Variants in FTCDNL1 observed in about 807,000 individuals in gnomAD.
FTCDNL1 encodes formiminotransferase cyclodeaminase N-terminal like, also known as formiminotransferase N-terminal subdomain-containing protein.
FTCDNL1 carries 11 observed loss-of-function variants against 5.9 expected under a neutral mutation model. The observed-to-expected ratio is 1.87, with a 90% CI of 1.18 to 3.10. FTCDNL1 has a LOEUF of 3.10. Ranked by LOEUF, FTCDNL1 falls within the 30% of genes most tolerant of loss-of-function variation. The pLI is 0.00. For synonymous variants in FTCDNL1, 58 were observed against 24.8 expected (o/e 2.34, Z -3.99); for missense variants, 115 against 65.5 (o/e 1.76, Z -2.61).
chr2:199,689,627 T>C, the FTCDNL1 span, among the ~76,000 whole-genome samples: 1 of 152,112 alleles, frequency 6.6e-6, no homozygotes, highest in Non-Finnish European at 1.5e-5. Flanking sequence ...TTTGGCAATA[T>C]GTTATCAAAT....
chr2:199,676,226 C>T, the FTCDNL1 span, among the ~76,000 whole-genome samples: 5 of 152,142 alleles, frequency 3.3e-5, no homozygotes, highest in Admixed American at 6.5e-5. Context: ...GAGAGACAAC[C>T]GGAAGTCTCC....
intron 3 of FTCDNL1, among the ~76,000 whole-genome samples, chr2:199,762,135 C>A (rs1393734732): frequency 6.6e-6 from 1 of 152,172 alleles, no homozygotes; most frequent in South Asian, 2.1e-4. Context: ...AATCCCAGCA[C>A]TTTGGGAGGC....
At chr2:199,741,720 T>C in the FTCDNL1 span, among the ~76,000 whole-genome samples, 4 of 152,202 alleles carry the variant, frequency 2.6e-5, no homozygotes, top group Non-Finnish European at 5.9e-5. Context: ...AAGCGCACTA[T>C]AAGAAGTATT....
At chr2:199,793,577 T>C (rs928972430) in intron 3 of FTCDNL1, among the ~76,000 whole-genome samples, 5 of 152,218 alleles carry the variant, frequency 3.3e-5, no homozygotes, top group African/African-American at 9.7e-5. Flanking sequence ...CTAACCATGA[T>C]TTGATCAAGA....
At chr2:199,701,425 A>G in the FTCDNL1 span, among the ~76,000 whole-genome samples, 1 of 151,228 alleles carries the variant, frequency 6.6e-6, no homozygotes, top group Non-Finnish European at 1.5e-5. Context: ...AAATTAGTTC[A>G]GCCACTAACT....
the FTCDNL1 span, among the ~76,000 whole-genome samples, chr2:199,679,060 A>G: frequency 4.6e-5 from 7 of 152,106 alleles, no homozygotes; most frequent in Non-Finnish European, 8.8e-5. Context: ...TTGAATGAGG[A>G]CCCATCTTAC....
intron 3 of FTCDNL1, among the ~76,000 whole-genome samples, chr2:199,838,374 G>A (rs1702903404): frequency 6.6e-6 from 1 of 152,072 alleles, no homozygotes; most frequent in South Asian, 2.1e-4. Flanking sequence ...GGACTTCCAG[G>A]AAAACATGAA....
the FTCDNL1 span, among the ~76,000 whole-genome samples, chr2:199,719,680 G>C: frequency 6.6e-6 from 1 of 151,988 alleles, no homozygotes; most frequent in Non-Finnish European, 1.5e-5. Context: ...TGTTACCCAG[G>C]CTGGAGTGCT....
chr2:199,788,903 T>C (rs1001203779), intron 3 of FTCDNL1, among the ~76,000 whole-genome samples: 4 of 151,928 alleles, frequency 2.6e-5, no homozygotes, highest in East Asian at 1.9e-4. Context: ...TGTAACTCTA[T>C]GGAAAACAAA....
chr2:199,702,617 C>T, the FTCDNL1 span, among the ~76,000 whole-genome samples: 1 of 152,126 alleles, frequency 6.6e-6, no homozygotes, highest in Non-Finnish European at 1.5e-5. Context: ...ATCAAGCTGC[C>T]TCTATGCATC....
At chr2:199,696,122 C>T in the FTCDNL1 span, among the ~76,000 whole-genome samples, 29 of 152,320 alleles carry the variant, frequency 1.9e-4, no homozygotes, top group African/African-American at 5.3e-4. Flanking sequence ...GGCACTCTCC[C>T]GCAGCTTCCC....
the FTCDNL1 span, among the ~76,000 whole-genome samples, chr2:199,694,913 T>C: frequency 1.3e-5 from 2 of 152,222 alleles, no homozygotes; most frequent in Non-Finnish European, 2.9e-5. Context: ...TACAGCCAGC[T>C]GCAACTTGGC....
the FTCDNL1 span, among the ~76,000 whole-genome samples, chr2:199,678,576 A>G: frequency 2.1e-4 from 32 of 152,206 alleles, 1 homozygote; most frequent in East Asian, 5.2e-3. Context: ...ATTAATTTAA[A>G]TATAGCTTTT....
chr2:199,762,909 A>G (rs1698339300), intron 3 of FTCDNL1, among the ~76,000 whole-genome samples: 1 of 152,244 alleles, frequency 6.6e-6, no homozygotes, highest in African/African-American at 2.4e-5. Context: ...TGCAAGGTTC[A>G]GTGTTAACAT....
intron 3 of FTCDNL1, among the ~76,000 whole-genome samples, chr2:199,795,468 T>A (rs1324747379): frequency 6.6e-6 from 1 of 152,224 alleles, no homozygotes; most frequent in Non-Finnish European, 1.5e-5. Flanking sequence ...TTTATATTTC[T>A]ACATGGTACT....
At chr2:199,686,540 TG>T in the FTCDNL1 span, among the ~76,000 whole-genome samples, 1 of 152,232 alleles carries the variant, frequency 6.6e-6, no homozygotes, top group African/African-American at 2.4e-5. Flanking sequence ...ATCAAATTCA[TG>T]CCAGTTGATT....
chr2:199,696,659 G>A, the FTCDNL1 span, among the ~76,000 whole-genome samples: 2 of 151,948 alleles, frequency 1.3e-5, no homozygotes, highest in Non-Finnish European at 2.9e-5. Flanking sequence ...CCATCCAAAG[G>A]ACAGCAACTT....
chr2:199,759,036 AACT>A (rs976757298), downstream of FTCDNL1, among the ~76,000 whole-genome samples: 12 of 152,196 alleles, frequency 7.9e-5, no homozygotes, highest in African/African-American at 2.9e-4. Context: ...TTAAAAAAGA[AACT>A]ACAAAACAAA....
At chr2:199,815,150 G>C (rs1245247163) in intron 4 of FTCDNL1, among the ~76,000 whole-genome samples, 1 of 152,096 alleles carries the variant, frequency 6.6e-6, no homozygotes, top group African/African-American at 2.4e-5. Context: ...TTTATTTATA[G>C]ATCTAAAAGT....
Sources: allele counts gnomAD v4.1 joint callset (sites outside exome capture counted in the v4.1 genomes callset), GRCh38; gene constraint gnomAD v4.1.1; transcripts MANE v1.5; gene names NCBI Gene and HGNC (gene_info 2026-07-23, HGNC 2026-07-21).